NRXN3: variants seen among roughly 807,000 people sequenced by gnomAD.
NRXN3 encodes neurexin III.
A neutral mutation model predicts 137.6 loss-of-function variants in NRXN3; 32 were observed. The ratio of observed to expected loss-of-function variants is 0.23; its 90% CI spans 0.18 to 0.31. The LOEUF (loss-of-function observed/expected upper bound fraction) is 0.31, where lower values mean the gene tolerates loss of function less well. Among genes scored for constraint, NRXN3 ranks in the 10% least tolerant of loss-of-function variants. NRXN3 has a pLI of 1.00. For synonymous variants in NRXN3, 798 were observed against 784.5 expected (o/e 1.02, Z -0.29); for missense variants, 1,574 against 2,062.5 (o/e 0.76, Z 4.59).
chr14:79,615,734 C>G (rs1347563828), intron 16 of NRXN3, among the ~76,000 whole-genome samples: 1 of 152,128 alleles, frequency 6.6e-6, no homozygotes. Flanking sequence ...AACTCATTCA[C>G]TATCAAAAGA....
At chr14:79,497,746 C>G (rs1301983268) in intron 16 of NRXN3, among the ~76,000 whole-genome samples, 1 of 152,028 alleles carries the variant, frequency 6.6e-6, no homozygotes, top group Non-Finnish European at 1.5e-5. Context: ...AATTAAAAAG[C>G]CAGAATGAGG....
chr14:79,279,199 G>C (rs1288271696), intron 15 of NRXN3: 1 of 258,940 alleles, frequency 3.9e-6, no homozygotes, highest in Non-Finnish European at 6.0e-6. Flanking sequence ...GGAGGCTCGC[G>C]CGGGTGTATA....
chr14:78,315,429 C>G (rs1423766319), intron 4 of NRXN3, among the ~76,000 whole-genome samples: 1 of 152,180 alleles, frequency 6.6e-6, no homozygotes, highest in Non-Finnish European at 1.5e-5. Flanking sequence ...ACCTGCAGCT[C>G]TAAATTATTC....
At chr14:78,822,473 G>A (rs1050316668) in intron 10 of NRXN3, among the ~76,000 whole-genome samples, 2 of 151,968 alleles carry the variant, frequency 1.3e-5, no homozygotes, top group Admixed American at 1.3e-4. Flanking sequence ...TCAGGAGTTC[G>A]AGACCATCCT....
intron 4 of NRXN3, among the ~76,000 whole-genome samples, chr14:78,577,251 G>A (rs537173266): frequency 6.6e-6 from 1 of 152,292 alleles, no homozygotes; most frequent in South Asian, 2.1e-4. Context: ...CAGCAGTAAT[G>A]TAATTGTTGG....
At chr14:78,698,729 C>T (rs1260311658) in intron 6 of NRXN3, among the ~76,000 whole-genome samples, 1 of 152,000 alleles carries the variant, frequency 6.6e-6, no homozygotes, top group Admixed American at 6.6e-5. Context: ...CTAATGATAG[C>T]TGCCACTCTG....
At chr14:79,654,301 G>T (rs2098493418) in intron 16 of NRXN3, among the ~76,000 whole-genome samples, 1 of 151,362 alleles carries the variant, frequency 6.6e-6, no homozygotes, top group South Asian at 2.1e-4. Flanking sequence ...AAAATCATAG[G>T]TGACCTTAAA....
intron 15 of NRXN3, among the ~76,000 whole-genome samples, chr14:79,216,647 C>T (rs1265936194): frequency 6.6e-6 from 1 of 152,106 alleles, no homozygotes; most frequent in African/African-American, 2.4e-5. Flanking sequence ...CTTTAAAGTG[C>T]TCTGTGTTTG....
At chr14:79,266,449 T>C (rs139347508) in intron 15 of NRXN3, among the ~76,000 whole-genome samples, 67 of 152,306 alleles carry the variant, frequency 4.4e-4, no homozygotes, top group African/African-American at 1.5e-3. Context: ...ACTGATGTTA[T>C]TGATCATATC....
At chr14:79,255,004 A>G (rs948567779) in intron 15 of NRXN3, among the ~76,000 whole-genome samples, 2 of 152,068 alleles carry the variant, frequency 1.3e-5, no homozygotes, top group Admixed American at 6.6e-5. Flanking sequence ...ATTGCTTGGA[A>G]GGGCGGTGTT....
rs191643695 is a variant in NRXN3, at chr14:79,662,065, T to C, written c.3445-1713T>C. On this transcript the variant is annotated intron_variant, in intron 16 of 20. Transcript: ENST00000335750. ...GGGTTTTCCTCTTTTGCCTGGCACT[T>C]CTCCTTCCTGCTGCCACGTGAAGAA... Among the ~76,000 whole-genome samples, 23 of 152,202 alleles carry C rather than the reference T, an allele frequency of 1.5e-4. No homozygotes were observed. The East Asian group carries it at 4.4e-3, about 29-fold the overall frequency.
intron 4 of NRXN3, among the ~76,000 whole-genome samples, chr14:78,347,330 C>T (rs531316371): frequency 2.7e-4 from 41 of 152,252 alleles, no homozygotes; most frequent in African/African-American, 9.4e-4. Context: ...TATGATTTTT[C>T]GGTGTTATCT....
intron 15 of NRXN3, among the ~76,000 whole-genome samples, chr14:79,245,504 A>G (rs1331031129): frequency 6.6e-6 from 1 of 152,128 alleles, no homozygotes; most frequent in Non-Finnish European, 1.5e-5. Context: ...ATGAGTTCTC[A>G]TGTAATTATG....
intron 4 of NRXN3, among the ~76,000 whole-genome samples, chr14:78,569,322 G>A (rs1342450139): frequency 6.6e-6 from 1 of 151,126 alleles, no homozygotes; most frequent in Non-Finnish European, 1.5e-5. Flanking sequence ...CTGGAGTGCA[G>A]CAGCGTGGTC....
At chr14:78,975,362 A>G (rs1398188933) in intron 14 of NRXN3, among the ~76,000 whole-genome samples, 1 of 152,192 alleles carries the variant, frequency 6.6e-6, no homozygotes, top group Non-Finnish European at 1.5e-5. Context: ...CGATGGAAGC[A>G]CATTCGAGAG....
intron 15 of NRXN3, among the ~76,000 whole-genome samples, chr14:79,466,566 C>A (rs377613912): frequency 1.9e-3 from 287 of 152,066 alleles, no homozygotes; most frequent in African/African-American, 6.2e-3. Context: ...CCAGCCTGGG[C>A]AACAGAGAGA....
At chr14:79,718,839 T>C in intron 19 of NRXN3, among the ~76,000 whole-genome samples, 1 of 152,172 alleles carries the variant, frequency 6.6e-6, no homozygotes, top group Non-Finnish European at 1.5e-5. Context: ...CCCAGATTCC[T>C]TTTTCTCTCT....
rs765319344 is a variant in NRXN3 at position 78,810,358 on chromosome 14, C to G, written c.2275+14C>G. ...ACTGTAACTCCAGTAAGTTTTCCCT[C>G]AAGTTTCATTTTGTTCTTTAAAAAA... On this transcript the variant is annotated intron_variant, in intron 10 of 20. Transcript: ENST00000335750. The G allele has an allele frequency of 3.8e-6, 5 of 1,306,262 alleles. No individual in the cohort carries two copies. The highest frequency in any genetic ancestry group is 4.1e-6 in the Non-Finnish European group (4 of 964,882). The allele number at this position is 1,306,262 out of a possible 1,614,324, so 80.9% of individuals were successfully genotyped here. A position where few individuals can be genotyped will look rare whatever the true frequency, so the allele number is the denominator to read the frequency against.
intron 10 of NRXN3, among the ~76,000 whole-genome samples, chr14:78,866,295 T>G (rs185343832): frequency 2.6e-5 from 4 of 152,326 alleles, no homozygotes; most frequent in Admixed American, 2.6e-4. Context: ...TAAGTAATTT[T>G]GTGTTGATTA....
Sources: allele counts gnomAD v4.1 joint callset (sites outside exome capture counted in the v4.1 genomes callset), GRCh38; gene constraint gnomAD v4.1.1; transcripts MANE v1.5; gene names NCBI Gene and HGNC (gene_info 2026-07-23, HGNC 2026-07-21).